PCDHA6: variants seen among roughly 807,000 people sequenced by gnomAD.
PCDHA6 encodes the protein protocadherin alpha 6, also known as protocadherin alpha-6.
In PCDHA6, 55 loss-of-function variants were observed where a neutral mutation model predicts 60.3. The ratio of observed to expected loss-of-function variants is 0.91; its 90% CI spans 0.73 to 1.14. The LOEUF is 1.14. Ranked by LOEUF, PCDHA6 falls within the 50% of genes most tolerant of loss-of-function variation. The pLI, the probability that PCDHA6 is intolerant of heterozygous loss-of-function variation, is 0.00. For missense variants in PCDHA6, 1,327 were observed against 1,256.5 expected (o/e 1.06, Z -0.85); for synonymous variants, 652 against 557.9 (o/e 1.17, Z -2.38).
At chr5:140,899,405 T>G (rs1369333627) in intron 1 of PCDHA6, among the ~76,000 whole-genome samples, 3 of 152,204 alleles carry the variant, frequency 2.0e-5, no homozygotes, top group Non-Finnish European at 4.4e-5. Flanking sequence ...CATGAAGGGT[T>G]GTTGAATTTT....
chr5:140,946,353 A>C (rs2093933429), intron 1 of PCDHA6, among the ~76,000 whole-genome samples: 1 of 151,910 alleles, frequency 6.6e-6, no homozygotes, highest in Admixed American at 6.6e-5. Context: ...GAGGATGTGG[A>C]GAAAAGGGAA....
chr5:140,869,469 G>T, intron 1 of PCDHA6: 1 of 1,614,210 alleles, frequency 6.2e-7, no homozygotes, highest in Non-Finnish European at 8.5e-7. Context: ...TGAACGTGGA[G>T]GTGAAGGACA....
chr5:140,828,445 T>G lies in PCDHA6; in HGVS notation c.354T>G (p.His118Gln), dbSNP rs1769755224. Residue 118 changes from histidine (H) to glutamine (Q), a missense_variant, in exon 1 of 4, where the codon CAT becomes CAG. Physicochemically the swap from His to Gln is conservative, Grantham distance 24. Coordinates refer to ENST00000529310, the MANE Select transcript of PCDHA6 (RefSeq NM_018909.4). ...VIVDRPLQVF[H>Q]VDVEVRDIND... is the part of the protein sequence containing the mutation. Reference sequence around the variant, plus strand: ...TGGACAGGCCGCTGCAGGTTTTCCATGTGGACGTGGAGGTGAGGGACATTA... The same window carrying G: ...TGGACAGGCCGCTGCAGGTTTTCCAGGTGGACGTGGAGGTGAGGGACATTA... 6.2e-7 allele frequency: 1 copy of G among 1,614,218 alleles called. No homozygotes were observed. The highest frequency in any genetic ancestry group is 8.5e-7 in the Non-Finnish European group (1 of 1,180,046).
intron 1 of PCDHA6, among the ~76,000 whole-genome samples, chr5:140,971,962 T>C (rs1392143830): frequency 6.6e-6 from 1 of 152,150 alleles, no homozygotes; most frequent in Non-Finnish European, 1.5e-5. Context: ...CAAAAACTTT[T>C]TTTCAATACT....
intron 3 of PCDHA6, among the ~76,000 whole-genome samples, chr5:140,993,152 C>A (rs932484139): frequency 2.6e-4 from 39 of 152,142 alleles, no homozygotes; most frequent in African/African-American, 9.2e-4. Context: ...TAAATGGATT[C>A]TAAATATTTG....
chr5:140,995,237 T>G (rs1242320046), intron 3 of PCDHA6, among the ~76,000 whole-genome samples: 1 of 152,148 alleles, frequency 6.6e-6, no homozygotes, highest in African/African-American at 2.4e-5. Context: ...GGGCCAGTAT[T>G]AAGTAAAATA....
chr5:140,976,353 C>T (rs1401617354), intron 1 of PCDHA6, among the ~76,000 whole-genome samples: 2 of 151,992 alleles, frequency 1.3e-5, no homozygotes, highest in African/African-American at 2.4e-5. Context: ...GTGTTCAAGA[C>T]CAGCCTGGCC....
At chr5:140,835,561 T>A (rs1304711365) in intron 1 of PCDHA6, 6 of 1,613,806 alleles carry the variant, frequency 3.7e-6, no homozygotes, top group Admixed American at 1.7e-5. Context: ...ACGCCCCGCG[T>A]TCCCTTCAAG....
At chr5:140,931,508 A>G (rs1214894603) in intron 1 of PCDHA6, among the ~76,000 whole-genome samples, 8 of 152,078 alleles carry the variant, frequency 5.3e-5, no homozygotes, top group Non-Finnish European at 1.0e-4. Flanking sequence ...TTAAACATAT[A>G]TGAATGATTA....
At chr5:140,991,422 T>G (rs140209692) in intron 3 of PCDHA6, among the ~76,000 whole-genome samples, 7 of 152,330 alleles carry the variant, frequency 4.6e-5, no homozygotes, top group Admixed American at 1.3e-4. Context: ...TATAACAAAT[T>G]AACCATAAAC....
intron 3 of PCDHA6, among the ~76,000 whole-genome samples, chr5:140,993,020 C>G (rs2097537480): frequency 6.6e-6 from 1 of 152,192 alleles, no homozygotes; most frequent in African/African-American, 2.4e-5. Flanking sequence ...TCCAGCATCC[C>G]CTGTGGGCTC....
chr5:140,993,661 A>G (rs902592339), intron 3 of PCDHA6, among the ~76,000 whole-genome samples: 1 of 152,182 alleles, frequency 6.6e-6, no homozygotes, highest in African/African-American at 2.4e-5. Flanking sequence ...TTGGTTAACA[A>G]TGGACCACAT....
intron 1 of PCDHA6, among the ~76,000 whole-genome samples, chr5:140,918,860 A>G (rs1264660506): frequency 6.6e-6 from 1 of 152,218 alleles, no homozygotes; most frequent in Non-Finnish European, 1.5e-5. Context: ...TGCCTGAATC[A>G]TGAACTTTCA....
chr5:140,921,716 A>C (rs1554200396), intron 1 of PCDHA6, among the ~76,000 whole-genome samples: 1 of 152,202 alleles, frequency 6.6e-6, no homozygotes, highest in Non-Finnish European at 1.5e-5. Context: ...TAAACACACG[A>C]ATTACTCCCA....
At chr5:140,886,680 G>A (rs1554182653) in intron 1 of PCDHA6, among the ~76,000 whole-genome samples, 1 of 151,946 alleles carries the variant, frequency 6.6e-6, no homozygotes, top group Non-Finnish European at 1.5e-5. Flanking sequence ...ACAAAAATTA[G>A]CGAGGCATGG....
At chr5:140,937,829 A>G (rs1305110198) in intron 1 of PCDHA6, among the ~76,000 whole-genome samples, 2 of 148,988 alleles carry the variant, frequency 1.3e-5, no homozygotes, top group African/African-American at 2.5e-5. Context: ...GGAGAATGGC[A>G]TGAACCTGGA....
At chr5:140,934,163 G>A (rs2153618590) in intron 1 of PCDHA6, among the ~76,000 whole-genome samples, 1 of 152,110 alleles carries the variant, frequency 6.6e-6, no homozygotes, top group Non-Finnish European at 1.5e-5. Flanking sequence ...ATTTCAGTGT[G>A]CAACAGAAGT....
At chr5:141,005,192 TTTCA>T (rs1554259924) in intron 3 of PCDHA6, among the ~76,000 whole-genome samples, 1 of 152,220 alleles carries the variant, frequency 6.6e-6, no homozygotes, top group African/African-American at 2.4e-5. Context: ...ACATCAGTCC[TTTCA>T]TTCATTCATC....
At chr5:140,862,471 C>G in intron 1 of PCDHA6, 3 of 374,584 alleles carry the variant, frequency 8.0e-6, no homozygotes, top group Non-Finnish European at 1.6e-5. Context: ...GAGAGCAAAT[C>G]TATCCATTGT....
Sources: gnomAD v4.1 joint callset for allele counts (sites outside exome capture counted in the v4.1 genomes callset) on GRCh38, gnomAD v4.1.1 for gene constraint, MANE v1.5 for transcripts, NCBI Gene and HGNC (gene_info 2026-07-23, HGNC 2026-07-21) for gene names.